TRIP11: variants seen among roughly 807,000 people sequenced by gnomAD.
TRIP11 encodes the protein thyroid receptor-interacting protein 11.
Under a neutral mutation model 223.1 loss-of-function variants are expected in TRIP11, and 148 were observed. The ratio of observed to expected loss-of-function variants is 0.66; its 90% confidence interval spans 0.58 to 0.76. The LOEUF is 0.76. TRIP11 is among the 30% of genes least tolerant of loss of function. TRIP11 has a pLI of 0.00. For synonymous variants in TRIP11, 762 were observed against 772.6 expected (o/e 0.99, Z 0.23); for missense variants, 2,043 against 2,222.0 (o/e 0.92, Z 1.62).
chr14:91,993,811 G>C lies in TRIP11; in HGVS notation c.5158C>G (p.Gln1720Glu), dbSNP rs748703162. Residue 1720 changes from glutamine (Q) to glutamate (E), a missense_variant and splice_region_variant, in exon 15 of 21, where the codon CAG (glutamine) becomes GAG (glutamate). Physicochemically the swap from Gln to Glu is conservative, Grantham distance 29. Coordinates refer to ENST00000267622, the MANE Select transcript of TRIP11 (RefSeq NM_004239.4). ...ENLEGKVISL[Q>E]ECLDEANAAL... ...AAGAGAAAACTATTTTGTCCTACCT[G>C]TAATGATATCACTTTTCCTTCCAGA... 3 of 1,611,214 alleles carry C rather than the reference G, an allele frequency of 1.9e-6. No individual in the cohort carries two copies. The African/African-American group carries it at 4.0e-5, about 22-fold the overall frequency.
At chr14:92,036,746 T>C (rs188161599) in intron 1 of TRIP11, among the ~76,000 whole-genome samples, 1 of 152,354 alleles carries the variant, frequency 6.6e-6, no homozygotes, top group Admixed American at 6.5e-5. Context: ...CCATTCCCTT[T>C]ATTTTTTTAG....
chr14:92,003,267 G>A, intron 11 of TRIP11, 152 bp downstream of exon 11: 2 of 1,145,922 alleles, frequency 1.7e-6, no homozygotes, highest in Non-Finnish European at 1.2e-6. Context: ...TGTCTCTGAG[G>A]AAAATTTACT....
chr14:92,029,994 G>A (rs1197594963), intron 2 of TRIP11, among the ~76,000 whole-genome samples: 3 of 151,892 alleles, frequency 2.0e-5, no homozygotes, highest in Non-Finnish European at 4.4e-5. Context: ...TCAGGAGATC[G>A]AGACCATCCC....
intron 2 of TRIP11, among the ~76,000 whole-genome samples, chr14:92,031,705 A>C (rs759170662): frequency 1.3e-4 from 20 of 152,366 alleles, no homozygotes; most frequent in Admixed American, 5.2e-4. Flanking sequence ...AAGGGTTAAA[A>C]AGCAGTTCAC....
chr14:91,980,913 G>A (rs913931154), intron 16 of TRIP11, among the ~76,000 whole-genome samples: 4 of 146,332 alleles, frequency 2.7e-5, no homozygotes, highest in Non-Finnish European at 6.0e-5. Flanking sequence ...CAAAGCAAAA[G>A]CTAGAAATTA....
intron 11 of TRIP11, among the ~76,000 whole-genome samples, chr14:92,002,960 C>T (rs188706768): frequency 2.2e-4 from 34 of 152,184 alleles, no homozygotes; most frequent in East Asian, 3.9e-4. Context: ...TAGACACACA[C>T]GCACACACAC....
At chr14:91,986,049 C>T (rs1170724112) in intron 16 of TRIP11, among the ~76,000 whole-genome samples, 1 of 152,184 alleles carries the variant, frequency 6.6e-6, no homozygotes, top group African/African-American at 2.4e-5. Context: ...TCTTTACACC[C>T]CTTCCTGTTT....
intron 4 of TRIP11, among the ~76,000 whole-genome samples, chr14:92,020,026 C>T (rs568797811): frequency 9.9e-5 from 15 of 151,968 alleles, no homozygotes; most frequent in Middle Eastern, 3.4e-3. Context: ...ACACTTTGGG[C>T]GGCCTGAGGT....
chr14:92,014,182 A>G lies in TRIP11; in HGVS notation c.1186+33T>C, dbSNP rs201993565. 4,518 of 1,613,478 alleles carry G rather than the reference A, an allele frequency of 2.8e-3. 7 individuals carry two copies. Among genetic ancestry groups the G allele is most frequent in the Non-Finnish European group, 3.5e-3 (4,075 of 1,179,914 alleles). On this transcript the variant is annotated intron_variant, in intron 7 of 20. Coordinates refer to ENST00000267622, the MANE Select transcript of TRIP11 (RefSeq NM_004239.4). ...AAAAACAACTACTATGCAATGAAAC[A>G]GCAATCTGAAATAAGTTCCAAAGAC...
chr14:92,013,345 A>G (rs1343819088), intron 7 of TRIP11, among the ~76,000 whole-genome samples: 2 of 152,234 alleles, frequency 1.3e-5, no homozygotes, highest in African/African-American at 2.4e-5. Context: ...GGCAGAAAGT[A>G]ACTCATATAA....
At chr14:91,991,578 A>C (rs1291166188) in intron 15 of TRIP11, among the ~76,000 whole-genome samples, 3 of 152,204 alleles carry the variant, frequency 2.0e-5, no homozygotes, top group South Asian at 2.1e-4. Context: ...AGTTGACCAT[A>C]TATGTCCTAT....
intron 17 of TRIP11, 121 bp from the exon 18 acceptor site, chr14:91,975,407 CA>C (rs1401331522): frequency 2.4e-5 from 13 of 547,200 alleles, no homozygotes; most frequent in African/African-American, 7.9e-5. Flanking sequence ...AAAGTCTAAA[CA>C]AAATATTTTA....
chr14:91,987,670 G>C (rs553944075), intron 16 of TRIP11, among the ~76,000 whole-genome samples: 1 of 152,250 alleles, frequency 6.6e-6, no homozygotes, highest in South Asian at 2.1e-4. Context: ...CTAAATCAGA[G>C]ATGAAATGAG....
chr14:92,017,871 T>A, intron 4 of TRIP11, 121 bp from the exon 5 acceptor site: 2 of 804,614 alleles, frequency 2.5e-6, no homozygotes, highest in Non-Finnish European at 4.1e-6. Flanking sequence ...AGATTCCGAC[T>A]AAAGAATGCC....
In TRIP11 at chr14:92,021,706, G is replaced by A. The variant is rs371786500; in HGVS notation, c.438C>T (p.Phe146=). The A allele has an allele frequency of 6.1e-5, 99 of 1,614,160 alleles. 1 individual carries two copies. In the East Asian group the frequency reaches 1.3e-3, roughly 21 times the overall value. ...GVPATTASSS[F]AYGISHHPSA... ...AAGGATGATGACTAATCCCATAAGC[G>A]AATGAAGATGATGCAGTGGTTGCTG... The change falls in exon 4 of 21, where the codon TTC becomes TTT. Residue 146 remains phenylalanine, a synonymous_variant. Coordinates refer to ENST00000267622, the MANE Select transcript of TRIP11 (RefSeq NM_004239.4).
At position 92,007,855 on chromosome 14, in the gene TRIP11, G is replaced by A. The variant is rs2056924855; in HGVS notation, c.1315-3C>T. On this transcript the variant is annotated splice_polypyrimidine_tract_variant and splice_region_variant and intron_variant, in intron 9 of 20. Transcript: ENST00000267622. ...AAAAGTGACATCTGAAGTTCTTCCT[G>A]AAATGATAAAAGGAAAAAAGCAACA... 6.3e-7 allele frequency: 1 copy of A among 1,599,984 alleles called. No individual in the cohort carries two copies. The highest frequency in any genetic ancestry group is 1.7e-5 in the Admixed American group (1 of 58,148).
rs1348628757 is a variant in TRIP11, at chr14:92,003,457, C to G, written c.4519G>C (p.Ala1507Pro). The G allele has an allele frequency of 2.5e-6, 4 of 1,613,850 alleles. No individual in the cohort carries two copies. In the African/African-American group the frequency reaches 4.0e-5, roughly 16 times the overall value. ...TTCAATAGCTGTTCAAAAGCAAGAG[C>G]CTTCTCCTTCATTGAGTGGCACTCA... Reference protein sequence around the residue: ...EFECHSMKEKALAFEQLLKEK... With the variant: ...EFECHSMKEKPLAFEQLLKEK... Residue 1507 changes from alanine (A) to proline (P), a missense_variant, in exon 11 of 21, where the codon GCT becomes CCT. Physicochemically the swap from Ala to Pro is conservative, Grantham distance 27. Coordinates refer to ENST00000267622, the MANE Select transcript of TRIP11 (RefSeq NM_004239.4).
Position 92,037,856 on chromosome 14 carries a change from CAG to C in TRIP11, c.139+1689_139+1690del, listed in dbSNP as rs1173322677. 6.6e-6 allele frequency among the ~76,000 whole-genome samples: 1 copy of C among 152,210 alleles called. No homozygotes were observed. The highest frequency in any genetic ancestry group is 1.5e-5 in the Non-Finnish European group (1 of 68,044). ...GCGCCACTGCATCCAGCCTACGCAA[CAG>C]AGTGAGACTCAGTCCAAAACTAAGA... On this transcript the variant is annotated intron_variant, in intron 1 of 20. Coordinates refer to ENST00000267622, the MANE Select transcript of TRIP11 (RefSeq NM_004239.4). This position sits in a 1 kb window ranked among gnomAD's most constrained non-coding sequence, Gnocchi z 4.2.
chr14:92,016,422 C>T (rs2140132064), intron 5 of TRIP11, among the ~76,000 whole-genome samples: 1 of 152,264 alleles, frequency 6.6e-6, no homozygotes, highest in East Asian at 1.9e-4. Flanking sequence ...AAGAGTCTGT[C>T]CACTGGGTCC....
Sources: gnomAD v4.1 joint callset for allele counts (sites outside exome capture counted in the v4.1 genomes callset) on GRCh38, gnomAD v4.1.1 for gene constraint, Gnocchi (gnomAD v3.1) non-coding constraint, MANE v1.5 for transcripts, NCBI Gene and HGNC (gene_info 2026-07-23, HGNC 2026-07-21) for gene names.